Variants in EPB41 observed in about 807,000 individuals in gnomAD.
EPB41 encodes protein 4.1.
Under a neutral mutation model 108.0 loss-of-function variants are expected in EPB41, and 65 were observed. The observed-to-expected ratio is 0.60, with a 90% confidence interval of 0.49 to 0.74. EPB41 has a LOEUF of 0.74. Among genes scored for constraint, EPB41 ranks in the 30% least tolerant of loss-of-function variants. EPB41 has a pLI of 0.00. For missense variants in EPB41, 875 were observed against 1,037.0 expected, an observed-to-expected ratio of 0.84 and a Z score of 2.15; for synonymous variants, 336 against 358.9, an observed-to-expected ratio of 0.94 and a Z score of 0.72.
chr1:28,894,849 T>C (rs2090496964), intron 1 of EPB41, among the ~76,000 whole-genome samples: 1 of 152,190 alleles, frequency 6.6e-6, no homozygotes, highest in Admixed American at 6.5e-5. Context: ...TCTGGGATTC[T>C]GGGAGGGGAC....
intron 11 of EPB41, among the ~76,000 whole-genome samples, chr1:29,051,563 T>G (rs1644514772): frequency 6.6e-6 from 1 of 152,208 alleles, no homozygotes; most frequent in Non-Finnish European, 1.5e-5. Context: ...CAGGAAAGTC[T>G]ATAATAAAAA....
At chr1:29,021,829 G>A (rs188750614) in intron 7 of EPB41, among the ~76,000 whole-genome samples, 28 of 152,224 alleles carry the variant, frequency 1.8e-4, no homozygotes, top group Non-Finnish European at 1.0e-4. Flanking sequence ...TGATCCGCCC[G>A]CCTGGGCCTC....
chr1:28,984,115 T>C (rs1360151363), intron 1 of EPB41, among the ~76,000 whole-genome samples: 1 of 152,170 alleles, frequency 6.6e-6, no homozygotes, highest in East Asian at 1.9e-4. Flanking sequence ...GCTATCCCTC[T>C]GAAGTCAAGC....
chr1:29,090,181 T>C (rs1396504674), intron 16 of EPB41, among the ~76,000 whole-genome samples: 2 of 152,116 alleles, frequency 1.3e-5, no homozygotes, highest in East Asian at 3.9e-4. Context: ...GAGAATCACT[T>C]GAACCCAGAA....
At chr1:29,075,658 T>A (rs1653730712) in intron 16 of EPB41, among the ~76,000 whole-genome samples, 1 of 152,236 alleles carries the variant, frequency 6.6e-6, no homozygotes, top group African/African-American at 2.4e-5. Flanking sequence ...CTCATTTTCT[T>A]ATCTACTACC....
At chr1:28,945,290 G>A (rs2094452866) in intron 1 of EPB41, among the ~76,000 whole-genome samples, 1 of 152,032 alleles carries the variant, frequency 6.6e-6, no homozygotes, top group Non-Finnish European at 1.5e-5. Context: ...GATAATATGT[G>A]TTCCTGAAGA....
intron 1 of EPB41, among the ~76,000 whole-genome samples, chr1:28,907,100 T>C (rs530664013): frequency 2.4e-4 from 35 of 147,330 alleles, no homozygotes; most frequent in Non-Finnish European, 4.8e-4. Context: ...AGTCTCACTC[T>C]TGTCACCCAG....
At chr1:29,073,174 G>A (rs1652345341) in intron 16 of EPB41, 1 of 149,592 alleles carries the variant, frequency 6.7e-6, no homozygotes, top group Non-Finnish European at 1.5e-5. Flanking sequence ...TTCAGTACCA[G>A]AGGCAAATTC....
chr1:28,930,507 C>T (rs2093688527), intron 1 of EPB41, among the ~76,000 whole-genome samples: 1 of 148,550 alleles, frequency 6.7e-6, no homozygotes, highest in African/African-American at 2.5e-5. Context: ...TAATTTGAGA[C>T]TGAGTCTCTC....
At chr1:29,074,165 G>T (rs548499521) in intron 16 of EPB41, among the ~76,000 whole-genome samples, 15 of 152,168 alleles carry the variant, frequency 9.9e-5, no homozygotes, top group African/African-American at 3.4e-4. Context: ...TGGTCTCATT[G>T]TTGCTTTTAT....
chr1:29,045,478 C>G (rs1485985157), intron 11 of EPB41, among the ~76,000 whole-genome samples: 1 of 151,556 alleles, frequency 6.6e-6, no homozygotes, highest in Non-Finnish European at 1.5e-5. Context: ...CTCAGCCTCA[C>G]AAGTAGCTAG....
intron 11 of EPB41, among the ~76,000 whole-genome samples, chr1:29,042,004 G>A (rs1283204026): frequency 1.3e-5 from 2 of 152,168 alleles, no homozygotes; most frequent in Non-Finnish European, 2.9e-5. Flanking sequence ...TTTTCTGGCT[G>A]TAACATTTGT....
chr1:29,040,972 G>C (rs1406096499), intron 11 of EPB41, among the ~76,000 whole-genome samples: 1 of 151,730 alleles, frequency 6.6e-6, no homozygotes, highest in Admixed American at 6.6e-5. Context: ...CCTGTCTCTA[G>C]TAAAAATACA....
chr1:29,061,365 G>A (rs917266879), intron 15 of EPB41, among the ~76,000 whole-genome samples: 1 of 152,006 alleles, frequency 6.6e-6, no homozygotes, highest in African/African-American at 2.4e-5. Flanking sequence ...CGCTTCCCGG[G>A]TTCACGCCAT....
At chr1:29,076,176 A>C (rs949189795) in intron 16 of EPB41, among the ~76,000 whole-genome samples, 1 of 152,252 alleles carries the variant, frequency 6.6e-6, no homozygotes, top group African/African-American at 2.4e-5. Context: ...ACAAGTTACC[A>C]TCTGCTATTC....
At chr1:28,954,205 A>G (rs969634170) in intron 1 of EPB41, among the ~76,000 whole-genome samples, 2 of 152,224 alleles carry the variant, frequency 1.3e-5, no homozygotes, top group Non-Finnish European at 1.5e-5. Context: ...AAAGACTTCT[A>G]ATATTGTTTA....
intron 11 of EPB41, among the ~76,000 whole-genome samples, chr1:29,049,714 A>T (rs76937579): frequency 6.6e-6 from 1 of 152,198 alleles, no homozygotes; most frequent in Non-Finnish European, 1.5e-5. Context: ...GCTGTAGTAT[A>T]TAACTATCTA....
chr1:29,034,986 T>G (rs1214341119), intron 9 of EPB41, among the ~76,000 whole-genome samples: 17 of 145,666 alleles, frequency 1.2e-4, no homozygotes, highest in African/African-American at 3.5e-4. Context: ...TTTTTTTTTT[T>G]TTTTTTTTTT....
intron 11 of EPB41, among the ~76,000 whole-genome samples, chr1:29,050,519 C>T (rs1644306758): frequency 6.6e-6 from 1 of 152,162 alleles, no homozygotes; most frequent in African/African-American, 2.4e-5. Flanking sequence ...TGTCACATTC[C>T]CCTGTGTTGT....
Sources: gnomAD v4.1 joint callset for allele counts (sites outside exome capture counted in the v4.1 genomes callset) on GRCh38, gnomAD v4.1.1 for gene constraint, MANE v1.5 for transcripts, NCBI Gene and HGNC (gene_info 2026-07-23, HGNC 2026-07-21) for gene names.